PPP5C: variants seen among roughly 807,000 people sequenced by gnomAD.
PPP5C encodes protein phosphatase 5 catalytic subunit.
Under a neutral mutation model 66.7 loss-of-function variants are expected in PPP5C, and 21 were observed. That is an observed-to-expected ratio of 0.31 (90% CI 0.22 to 0.45). The LOEUF (loss-of-function observed/expected upper bound fraction) is 0.45, where lower values mean the gene tolerates loss of function less well. Ranked by LOEUF, PPP5C falls within the 20% of genes least tolerant of loss-of-function variation. The probability of loss-of-function intolerance (pLI) is 1.00; values close to 1 mark genes in which losing one functional copy is unlikely to be tolerated. For missense variants in PPP5C, 464 were observed against 675.9 expected (o/e 0.69, Z 3.48); for synonymous variants, 246 against 257.4 (o/e 0.96, Z 0.43).
intron 2 of PPP5C, among the ~76,000 whole-genome samples, chr19:46,360,231 T>G (rs774919016): frequency 6.6e-6 from 1 of 152,184 alleles, no homozygotes; most frequent in Non-Finnish European, 1.5e-5. Context: ...AATTAATAAC[T>G]GATAACATAT....
intron 2 of PPP5C, among the ~76,000 whole-genome samples, chr19:46,355,283 A>C: frequency 1.2e-5 from 1 of 86,860 alleles, no homozygotes; most frequent in East Asian, 3.2e-4. Flanking sequence ...CTGCCCCCCG[A>C]CACAGACACA....
chr19:46,357,041 GTTTTTGT>G (rs1972299111), intron 2 of PPP5C, among the ~76,000 whole-genome samples: 3 of 152,188 alleles, frequency 2.0e-5, no homozygotes, highest in East Asian at 1.9e-4. Flanking sequence ...TTTTTTCTTT[GTTTTTGT>G]TTTTTGTTTT....
At chr19:46,350,346 G>T (rs1972162146) in intron 1 of PPP5C, among the ~76,000 whole-genome samples, 1 of 152,220 alleles carries the variant, frequency 6.6e-6, no homozygotes, top group African/African-American at 2.4e-5. Flanking sequence ...GGGGTGGAAG[G>T]TGGAATTCCC....
intron 4 of PPP5C, among the ~76,000 whole-genome samples, chr19:46,380,006 C>CA (rs1182662828): frequency 6.6e-6 from 1 of 152,130 alleles, no homozygotes; most frequent in Non-Finnish European, 1.5e-5. Context: ...ACTTAATGGA[C>CA]AATATAAGAA....
Position 46,390,946 on chromosome 19 carries a change from TG to T in PPP5C, c.*602del, listed in dbSNP as rs1167281397. The T allele has an allele frequency of 4.2e-6, 5 of 1,177,682 alleles. No individual in the cohort carries two copies. The highest frequency in any genetic ancestry group is 7.2e-5 in the Admixed American group (2 of 27,736). 73.0% of individuals were successfully genotyped at this position (1,177,682 alleles called of 1,614,324 possible). On this transcript the variant is annotated 3_prime_UTR_variant, in exon 13 of 13. Transcript: ENST00000012443. Reference sequence around the variant, plus strand: ...GGGTGGGGAGGCCGCAAAGTCCCGCTGGCCGGGCCCACCCAGCTCTGGGCTG... The same window carrying T: ...GGGTGGGGAGGCCGCAAAGTCCCGCTGCCGGGCCCACCCAGCTCTGGGCTG...
rs1170914670 is a variant in PPP5C at position 46,383,405 on chromosome 19, T to G, written c.634-6T>G. 3 of 1,610,774 alleles carry G rather than the reference T, an allele frequency of 1.9e-6. No homozygotes were observed. Among genetic ancestry groups the G allele is most frequent in the Non-Finnish European group, 2.5e-6 (3 of 1,178,620 alleles). On this transcript the variant is annotated splice_region_variant and splice_polypyrimidine_tract_variant and intron_variant, in intron 4 of 12. Transcript: ENST00000012443. The surrounding 1 kb of genome is among the most constrained non-coding windows in gnomAD (Gnocchi z 5.0). The stretch of plus-strand genomic sequence containing the variant: ...CCGGTCCCACTGAGTCTGCCCTGCC[T>G]TCCAGATTCTGGTACAGGTCAAAGA...
chr19:46,352,958 A>AG (rs1972216102), intron 1 of PPP5C, among the ~76,000 whole-genome samples: 1 of 152,180 alleles, frequency 6.6e-6, no homozygotes, highest in African/African-American at 2.4e-5. Context: ...AGTTCAGTGA[A>AG]GGGGGACCTG....
chr19:46,390,753 C>T lies in PPP5C; in HGVS notation c.*407C>T. 1.8e-6 allele frequency: 2 copies of T among 1,142,628 alleles called. No homozygotes were observed. Among genetic ancestry groups the T allele is most frequent in the Non-Finnish European group, 2.2e-6 (2 of 918,922 alleles). 70.8% of individuals were successfully genotyped at this position (1,142,628 alleles called of 1,614,324 possible). A position where few individuals can be genotyped will look rare whatever the true frequency, so the allele number is the denominator to read the frequency against. ...GGGGGCCCCGCCTGCGCCTCCCCTC[C>T]TATAGCCCCATGGTGGGGCTAGGCT... On this transcript the variant is annotated 3_prime_UTR_variant, in exon 13 of 13. Transcript: ENST00000012443.
intron 4 of PPP5C, among the ~76,000 whole-genome samples, chr19:46,378,678 C>T (rs1359972721): frequency 6.6e-6 from 1 of 152,182 alleles, no homozygotes; most frequent in Non-Finnish European, 1.5e-5. Context: ...TGAATTGACT[C>T]ATTATAATGA....
At chr19:46,360,425 G>A (rs544609784) in intron 2 of PPP5C, among the ~76,000 whole-genome samples, 2 of 152,046 alleles carry the variant, frequency 1.3e-5, no homozygotes, top group Non-Finnish European at 2.9e-5. Flanking sequence ...CTGACATCCA[G>A]AAGTTAGTTC....
At chr19:46,355,427 G>A (rs1185876714) in intron 2 of PPP5C, among the ~76,000 whole-genome samples, 3 of 152,202 alleles carry the variant, frequency 2.0e-5, no homozygotes, top group Non-Finnish European at 4.4e-5. Context: ...TGCAGTCGGT[G>A]GAGCCAGCTC....
Position 46,388,603 on chromosome 19 carries a change from C to CG in PPP5C, c.1228dup (p.Val410GlyfsTer59). ...GCGTGAGCTGTCAGTTTGGGCCTGA[C>CG]GTCACCAAGGCCTTCTTGGAAGAGA... is the stretch of plus-strand genomic sequence containing the variant. On this transcript the variant is annotated frameshift_variant, in exon 11 of 13. Transcript: ENST00000012443. LOFTEE classifies it high-confidence loss of function. This position sits in a 1 kb window ranked among gnomAD's most constrained non-coding sequence, Gnocchi z 4.9. The CG allele has an allele frequency of 6.2e-7, 1 of 1,614,130 alleles. No individual in the cohort carries two copies.
At chr19:46,354,111 GC>G (rs1972242425) in intron 2 of PPP5C, 122 bp downstream of exon 2, 9 of 1,390,642 alleles carry the variant, frequency 6.5e-6, no homozygotes, top group Admixed American at 2.2e-5. Flanking sequence ...GCCAGCAAGT[GC>G]CTGTGGGGCC....
chr19:46,358,067 G>A (rs1350459144), intron 2 of PPP5C, among the ~76,000 whole-genome samples: 2 of 152,150 alleles, frequency 1.3e-5, no homozygotes, highest in Non-Finnish European at 2.9e-5. Flanking sequence ...CTAGCCATTA[G>A]TCAACACATG....
chr19:46,357,871 G>T (rs532511947), intron 2 of PPP5C, among the ~76,000 whole-genome samples: 2 of 152,116 alleles, frequency 1.3e-5, no homozygotes, highest in Non-Finnish European at 2.9e-5. Context: ...CAGTCCTTTC[G>T]GGTTTTTATG....
At chr19:46,371,155 A>G (rs976908402) in intron 2 of PPP5C, among the ~76,000 whole-genome samples, 9 of 152,014 alleles carry the variant, frequency 5.9e-5, no homozygotes, top group East Asian at 1.9e-4. Flanking sequence ...TTTCCTGTCT[A>G]TGCTTGGAAC....
chr19:46,347,224 C>T lies in PPP5C; in HGVS notation c.121+7C>T, dbSNP rs890386605. The T allele has an allele frequency of 6.2e-7, 1 of 1,600,840 alleles. No individual in the cohort carries two copies. Among genetic ancestry groups the T allele is most frequent in the Non-Finnish European group, 8.5e-7 (1 of 1,174,180 alleles). ...GCCAATGACTACTTCAAAGGTGCGCCCGCCTGGCAGGGAGGGTGGACAGTG... is the reference window on the plus strand; with the variant it reads ...GCCAATGACTACTTCAAAGGTGCGCTCGCCTGGCAGGGAGGGTGGACAGTG... On this transcript the variant is annotated splice_region_variant and intron_variant, in intron 1 of 12. Coordinates refer to ENST00000012443, the MANE Select transcript of PPP5C (RefSeq NM_006247.4).
intron 11 of PPP5C, among the ~76,000 whole-genome samples, chr19:46,389,229 C>T (rs1972948134): frequency 6.6e-6 from 1 of 151,668 alleles, no homozygotes; most frequent in African/African-American, 2.4e-5. Flanking sequence ...GAGGCTGAGT[C>T]AGGAGAATTG....
At chr19:46,349,934 C>G (rs997585704) in intron 1 of PPP5C, among the ~76,000 whole-genome samples, 4 of 143,624 alleles carry the variant, frequency 2.8e-5, no homozygotes. Context: ...GGGGCCACAG[C>G]GTAGGAGGCT....
Sources: gnomAD v4.1 joint callset for allele counts (sites outside exome capture counted in the v4.1 genomes callset) on GRCh38, gnomAD v4.1.1 for gene constraint, Gnocchi (gnomAD v3.1) non-coding constraint, MANE v1.5 for transcripts, NCBI Gene and HGNC (gene_info 2026-07-23, HGNC 2026-07-21) for gene names.